OPCML: variants seen among roughly 807,000 people sequenced by gnomAD.
OPCML encodes opioid binding protein/cell adhesion molecule like.
OPCML carries 13 observed loss-of-function variants against 37.8 expected under a neutral mutation model. The ratio of observed to expected loss-of-function variants is 0.34; its 90% CI spans 0.22 to 0.55. The LOEUF is 0.55. Among genes scored for constraint, OPCML ranks in the 20% least tolerant of loss-of-function variants. OPCML has a pLI of 0.91. For missense variants in OPCML, 341 were observed against 435.6 expected (o/e 0.78, Z 1.93); for synonymous variants, 176 against 168.8 (o/e 1.04, Z -0.33).
intron 1 of OPCML, among the ~76,000 whole-genome samples, chr11:133,143,700 G>GT (rs1949857873): frequency 6.6e-6 from 1 of 152,174 alleles, no homozygotes; most frequent in African/African-American, 2.4e-5. Flanking sequence ...CATTTTCCTT[G>GT]TCGGGTAAAT....
intron 2 of OPCML, among the ~76,000 whole-genome samples, chr11:132,780,185 C>T (rs958390095): frequency 6.6e-6 from 1 of 152,184 alleles, no homozygotes; most frequent in African/African-American, 2.4e-5. Flanking sequence ...CTTCTCCTGA[C>T]CCTCTGTACT....
At chr11:133,454,733 A>G (rs1057127352) in intron 1 of OPCML, among the ~76,000 whole-genome samples, 5 of 152,240 alleles carry the variant, frequency 3.3e-5, no homozygotes, top group Admixed American at 2.0e-4. Context: ...GAGGGAAGCT[A>G]TATCACGATG....
intron 1 of OPCML, among the ~76,000 whole-genome samples, chr11:133,140,722 G>A (rs1949770259): frequency 4.6e-5 from 1 of 21,934 alleles, no homozygotes; most frequent in African/African-American, 9.1e-5. Flanking sequence ...GACGAAGACG[G>A]AAGACGACGA....
At chr11:133,442,099 A>G (rs1160881530) in intron 1 of OPCML, among the ~76,000 whole-genome samples, 4 of 152,188 alleles carry the variant, frequency 2.6e-5, no homozygotes, top group East Asian at 1.9e-4. Flanking sequence ...TAGTTTTCCT[A>G]CTGCAAAGAA....
intron 3 of OPCML, among the ~76,000 whole-genome samples, chr11:132,605,794 C>A (rs140972116): frequency 3.8e-3 from 571 of 152,242 alleles, no homozygotes; most frequent in Non-Finnish European, 5.7e-3. Flanking sequence ...TGTCCATGTC[C>A]AATCTACATA....
chr11:133,007,411 T>A, intron 1 of OPCML: 2 of 985,340 alleles, frequency 2.0e-6, no homozygotes, highest in Non-Finnish European at 2.4e-6. Context: ...CATTAAAGAG[T>A]CAAAGAATGC....
At chr11:133,465,339 A>C (rs901022809) in intron 1 of OPCML, among the ~76,000 whole-genome samples, 67 of 152,132 alleles carry the variant, frequency 4.4e-4, no homozygotes, top group African/African-American at 1.5e-3. Context: ...CTATCTCAAG[A>C]TTTTTAACTG....
intron 1 of OPCML, among the ~76,000 whole-genome samples, chr11:133,037,061 C>T (rs527789823): frequency 1.3e-5 from 2 of 152,242 alleles, no homozygotes; most frequent in Non-Finnish European, 2.9e-5. Context: ...ACTGTATGGT[C>T]CCAATCGAAA....
intron 1 of OPCML, among the ~76,000 whole-genome samples, chr11:133,397,333 C>A (rs1454607259): frequency 6.6e-6 from 1 of 152,118 alleles, no homozygotes; most frequent in African/African-American, 2.4e-5. Flanking sequence ...TTCTCAAGCA[C>A]CAATAAGATG....
At chr11:132,660,764 G>A (rs915356799) in intron 2 of OPCML, among the ~76,000 whole-genome samples, 5 of 152,042 alleles carry the variant, frequency 3.3e-5, no homozygotes, top group African/African-American at 1.2e-4. Flanking sequence ...TGCTTCTGTG[G>A]GAGTCTCCTT....
At chr11:133,372,932 ATAATC>A (rs1236032818) in intron 1 of OPCML, among the ~76,000 whole-genome samples, 1 of 152,230 alleles carries the variant, frequency 6.6e-6, no homozygotes, top group Admixed American at 6.5e-5. Flanking sequence ...TGAGTTGAAA[ATAATC>A]AAGCTATTAT....
intron 2 of OPCML, among the ~76,000 whole-genome samples, chr11:132,725,591 C>A (rs1341350143): frequency 6.6e-6 from 1 of 152,078 alleles, no homozygotes; most frequent in Non-Finnish European, 1.5e-5. Flanking sequence ...ATGGGATTTT[C>A]TTTTCTATTG....
chr11:133,154,802 G>T (rs749854249), intron 1 of OPCML, among the ~76,000 whole-genome samples: 1 of 152,160 alleles, frequency 6.6e-6, no homozygotes, highest in African/African-American at 2.4e-5. Context: ...AGGAAGAATA[G>T]CGAGGAGGAT....
intron 4 of OPCML, among the ~76,000 whole-genome samples, chr11:132,517,665 A>T (rs2096283089): frequency 6.6e-6 from 1 of 152,204 alleles, no homozygotes; most frequent in East Asian, 1.9e-4. Flanking sequence ...TTGATATAGC[A>T]ATTGCATAGA....
At chr11:133,312,621 A>G (rs940850685) in intron 1 of OPCML, among the ~76,000 whole-genome samples, 3 of 152,204 alleles carry the variant, frequency 2.0e-5, no homozygotes, top group Admixed American at 1.3e-4. Flanking sequence ...TGGAGGCTCA[A>G]AGAAAGTGTA....
At chr11:132,660,439 G>A (rs183339174) in intron 2 of OPCML, among the ~76,000 whole-genome samples, 26 of 152,130 alleles carry the variant, frequency 1.7e-4, no homozygotes, top group Admixed American at 3.9e-4. Flanking sequence ...TACCTGACTC[G>A]CAAAGGGGTT....
At chr11:133,354,503 A>G (rs1297866163) in intron 1 of OPCML, among the ~76,000 whole-genome samples, 2 of 152,152 alleles carry the variant, frequency 1.3e-5, no homozygotes, top group African/African-American at 2.4e-5. Flanking sequence ...TAACTTGCTT[A>G]ACTAGCAGGT....
chr11:132,646,911 C>T (rs1941179013), intron 3 of OPCML, among the ~76,000 whole-genome samples: 1 of 152,086 alleles, frequency 6.6e-6, no homozygotes, highest in Non-Finnish European at 1.5e-5. Flanking sequence ...TGATATAGAG[C>T]TGATATTAAC....
At chr11:133,377,746 C>T (rs1944845903) in intron 1 of OPCML, among the ~76,000 whole-genome samples, 1 of 152,118 alleles carries the variant, frequency 6.6e-6, no homozygotes, top group Non-Finnish European at 1.5e-5. Context: ...CTCAGGAACA[C>T]ATGGTTCATT....
Sources: gnomAD v4.1 joint callset for allele counts (sites outside exome capture counted in the v4.1 genomes callset) on GRCh38, gnomAD v4.1.1 for gene constraint, MANE v1.5 for transcripts, NCBI Gene and HGNC (gene_info 2026-07-23, HGNC 2026-07-21) for gene names.